Variants in CDC16 observed in about 807,000 individuals in gnomAD.
CDC16 encodes cell division cycle 16.
Under a neutral mutation model 87.0 loss-of-function variants are expected in CDC16, and 34 were observed. The observed-to-expected ratio is 0.39, with a 90% CI of 0.30 to 0.52. The LOEUF (loss-of-function observed/expected upper bound fraction) is 0.52. Ranked by LOEUF, CDC16 falls within the 20% of genes least tolerant of loss-of-function variation. The pLI, the probability that CDC16 is intolerant of heterozygous loss-of-function variation, is 0.74. For synonymous variants in CDC16, 263 were observed against 260.6 expected (o/e 1.01, Z -0.09); for missense variants, 653 against 751.9 (o/e 0.87, Z 1.54).
chr13:114,258,863 C>T (rs1039090792), intron 13 of CDC16, among the ~76,000 whole-genome samples: 1 of 151,910 alleles, frequency 6.6e-6, no homozygotes, highest in African/African-American at 2.4e-5. Context: ...TTTGGGAGGC[C>T]GAGATGGGCA....
At chr13:114,254,131 C>G (rs2082361088) in intron 12 of CDC16, among the ~76,000 whole-genome samples, 1 of 151,940 alleles carries the variant, frequency 6.6e-6, no homozygotes, top group African/African-American at 2.4e-5. Flanking sequence ...TCTTTTGTTA[C>G]TGTTTATATG....
intron 17 of CDC16, among the ~76,000 whole-genome samples, chr13:114,266,705 T>G (rs894053421): frequency 6.6e-6 from 1 of 152,132 alleles, no homozygotes; most frequent in South Asian, 2.1e-4. Flanking sequence ...AATCTTTTTT[T>G]TTTTTTGAGA....
intron 5 of CDC16, among the ~76,000 whole-genome samples, chr13:114,240,017 A>T (rs1012282527): frequency 6.6e-6 from 1 of 151,940 alleles, no homozygotes; most frequent in Non-Finnish European, 1.5e-5. Flanking sequence ...GATTTAAAAA[A>T]AAAAATAAAA....
rs1453657042 is a variant in CDC16, at chr13:114,255,421, A to G, written c.1098-1657A>G. 2.0e-5 allele frequency among the ~76,000 whole-genome samples: 3 copies of G among 152,172 alleles called. No homozygotes were observed. The East Asian group carries it at 5.8e-4, about 29-fold the overall frequency. On this transcript the variant is annotated intron_variant, in intron 12 of 17. Transcript: ENST00000356221. ...TTACTGGTAAACCTTACATTTCTGT[A>G]TATGATAGGCCCAACAATATAATTG... is the stretch of plus-strand genomic sequence containing the variant.
At chr13:114,263,480 T>C (rs1205682357) in intron 16 of CDC16, among the ~76,000 whole-genome samples, 1 of 152,224 alleles carries the variant, frequency 6.6e-6, no homozygotes, top group Non-Finnish European at 1.5e-5. Context: ...AAAAAAGTGC[T>C]GCCAATTAAA....
intron 7 of CDC16, among the ~76,000 whole-genome samples, chr13:114,243,582 G>A (rs2081675267): frequency 6.6e-6 from 1 of 151,890 alleles, no homozygotes; most frequent in African/African-American, 2.4e-5. Flanking sequence ...AAATGTAAAT[G>A]GAATGGTGTT....
At chr13:114,259,850 G>C (rs2082732429) in intron 14 of CDC16, among the ~76,000 whole-genome samples, 2 of 152,172 alleles carry the variant, frequency 1.3e-5, no homozygotes, top group Admixed American at 1.3e-4. Context: ...ACCTTTTGTT[G>C]CTGTTACTGC....
Sources: gnomAD v4.1 joint callset for allele counts (sites outside exome capture counted in the v4.1 genomes callset) on GRCh38, gnomAD v4.1.1 for gene constraint, MANE v1.5 for transcripts, NCBI Gene and HGNC (gene_info 2026-07-23, HGNC 2026-07-21) for gene names.